The following NFIB variants were observed in gnomAD, a reference collection of about 807,000 sequenced individuals.
The protein encoded by NFIB is nuclear factor I B, also known as nuclear factor 1 B-type.
NFIB carries 11 observed loss-of-function variants against 61.5 expected under a neutral mutation model. That is an observed-to-expected ratio of 0.18 (90% CI 0.11 to 0.30). The LOEUF (loss-of-function observed/expected upper bound fraction) is 0.30. Ranked by LOEUF, NFIB falls within the 10% of genes least tolerant of loss-of-function variation. The pLI, the probability that NFIB is intolerant of heterozygous loss-of-function variation, is 1.00. For missense variants in NFIB, 471 were observed against 608.9 expected (o/e 0.77, Z 2.38); for synonymous variants, 260 against 216.5 (o/e 1.20, Z -1.76).
intron 2 of NFIB, among the ~76,000 whole-genome samples, chr9:14,244,303 G>C (rs1051955946): frequency 7.2e-5 from 11 of 152,180 alleles, no homozygotes; most frequent in African/African-American, 2.7e-4. Flanking sequence ...TGATAGGTCA[G>C]AATGGTTTTT....
chr9:14,143,503 T>C (rs1402959368), intron 6 of NFIB, among the ~76,000 whole-genome samples: 1 of 152,184 alleles, frequency 6.6e-6, no homozygotes, highest in African/African-American at 2.4e-5. Flanking sequence ...CTAAGGGCTA[T>C]GTCAAGAACA....
chr9:14,346,553 TTCCCCGCACGC>T (rs2132892380), intron 1 of NFIB, among the ~76,000 whole-genome samples: 1 of 152,146 alleles, frequency 6.6e-6, no homozygotes, highest in Non-Finnish European at 1.5e-5. Flanking sequence ...TTCGTTTCTA[TTCCCCGCACGC>T]GCCCCAGCAA....
At chr9:14,223,102 G>A (rs535887927) in intron 2 of NFIB, among the ~76,000 whole-genome samples, 19 of 152,294 alleles carry the variant, frequency 1.2e-4, no homozygotes, top group African/African-American at 4.6e-4. Context: ...CGTTTTAAGA[G>A]AGTTTATGAA....
chr9:14,528,777 T>C, the NFIB span, among the ~76,000 whole-genome samples: 3 of 152,140 alleles, frequency 2.0e-5, no homozygotes, highest in African/African-American at 2.4e-5. Flanking sequence ...CAAAATAGAA[T>C]GGAAAGTCCA....
At chr9:14,309,489 T>A (rs537545203) in intron 1 of NFIB, among the ~76,000 whole-genome samples, 1 of 152,216 alleles carries the variant, frequency 6.6e-6, no homozygotes, top group Non-Finnish European at 1.5e-5. Context: ...CCAAATGCCA[T>A]AGAGGAAATC....
chr9:14,523,538 G>A, the NFIB span, among the ~76,000 whole-genome samples: 10 of 152,126 alleles, frequency 6.6e-5, no homozygotes, highest in Admixed American at 6.5e-4. Context: ...ATAAATGTAA[G>A]AATTATGGGG....
chr9:14,396,968 G>A (rs1356639721), intron 1 of NFIB, among the ~76,000 whole-genome samples: 2 of 152,110 alleles, frequency 1.3e-5, no homozygotes, highest in Non-Finnish European at 2.9e-5. Flanking sequence ...GACTTTATAG[G>A]AAGTAAATAT....
the NFIB span, among the ~76,000 whole-genome samples, chr9:14,522,890 G>A: frequency 6.6e-6 from 1 of 152,198 alleles, no homozygotes; most frequent in African/African-American, 2.4e-5. Context: ...CAGAGGCTCT[G>A]CTCTAGAAGG....
chr9:14,230,111 G>A (rs7033206), intron 2 of NFIB, among the ~76,000 whole-genome samples: 18,616 of 152,148 alleles, frequency 0.12, 2,549 homozygotes, highest in East Asian at 0.4. Flanking sequence ...GGCCTGACCT[G>A]ATGAATTTCT....
chr9:14,473,059 T>C, the NFIB span, among the ~76,000 whole-genome samples: 1 of 152,192 alleles, frequency 6.6e-6, no homozygotes, highest in Non-Finnish European at 1.5e-5. Context: ...ATGTAGAATT[T>C]TCTTAAACCC....
intron 2 of NFIB, among the ~76,000 whole-genome samples, chr9:14,266,563 C>A (rs990296084): frequency 6.6e-6 from 1 of 151,926 alleles, no homozygotes; most frequent in African/African-American, 2.4e-5. Context: ...TCTCTGTACT[C>A]CAGCCTAGAC....
At chr9:14,374,767 A>C (rs2061398526) in intron 1 of NFIB, among the ~76,000 whole-genome samples, 2 of 152,010 alleles carry the variant, frequency 1.3e-5, no homozygotes, top group African/African-American at 4.8e-5. Context: ...AAAATTACAC[A>C]GCAATGGTGG....
intron 1 of NFIB, among the ~76,000 whole-genome samples, chr9:14,326,983 T>C (rs187576742): frequency 8.8e-4 from 134 of 152,268 alleles, no homozygotes; most frequent in African/African-American, 3.1e-3. Flanking sequence ...AAACAATAAA[T>C]TGGAATCAAT....
At chr9:14,373,240 T>C (rs1320820913) in intron 1 of NFIB, among the ~76,000 whole-genome samples, 4 of 152,238 alleles carry the variant, frequency 2.6e-5, no homozygotes, top group Admixed American at 6.5e-5. Context: ...AATTTATTGT[T>C]GGAACATGTA....
chr9:14,113,180 CAAAA>C, intron 9 of NFIB, 99 bp from the exon 10 acceptor site: 3 of 729,144 alleles, frequency 4.1e-6, no homozygotes, highest in Non-Finnish European at 5.8e-6. Flanking sequence ...GATTTGCAAC[CAAAA>C]AAAAAAAGTG....
At chr9:14,358,867 ATAAT>A (rs2061206798) in intron 1 of NFIB, among the ~76,000 whole-genome samples, 1 of 152,258 alleles carries the variant, frequency 6.6e-6, no homozygotes, top group Admixed American at 6.5e-5. Context: ...TCACAACCTT[ATAAT>A]TAAATTATGT....
rs145856785 is a variant in NFIB at position 14,274,049 on chromosome 9, T to C, written c.562+32940A>G. Among the ~76,000 whole-genome samples the C allele has an allele frequency of 1.1e-4, 17 of 152,322 alleles. No homozygotes were observed. In the East Asian group the frequency reaches 2.7e-3, roughly 24 times the overall value. Reference sequence around the variant, plus strand: ...GGAAGTCTTGTTAAAAGAGCCACGATACTGCAAGCCTAACTTGAAGTGTAA... The same window carrying C: ...GGAAGTCTTGTTAAAAGAGCCACGACACTGCAAGCCTAACTTGAAGTGTAA... On this transcript the variant is annotated intron_variant, in intron 2 of 10. Coordinates refer to ENST00000380953, the MANE Select transcript of NFIB (RefSeq NM_001190737.2).
At chr9:14,418,734 C>T in the NFIB span, among the ~76,000 whole-genome samples, 157 of 152,240 alleles carry the variant, frequency 1.0e-3, no homozygotes, top group Middle Eastern at 6.8e-3. Context: ...CAATAAAATT[C>T]CCATATTACA....
intron 4 of NFIB, among the ~76,000 whole-genome samples, chr9:14,150,719 C>T (rs2042776835): frequency 6.6e-6 from 1 of 151,966 alleles, no homozygotes; most frequent in Non-Finnish European, 1.5e-5. Flanking sequence ...AAGCAAAAAT[C>T]ATTATTCACA....
Sources: allele counts gnomAD v4.1 joint callset (sites outside exome capture counted in the v4.1 genomes callset), GRCh38; gene constraint gnomAD v4.1.1; transcripts MANE v1.5; gene names NCBI Gene and HGNC (gene_info 2026-07-23, HGNC 2026-07-21).